The following NRXN1 variants were observed in gnomAD, a reference collection of about 807,000 sequenced individuals.
The protein encoded by NRXN1 is neurexin-1.
In NRXN1, 39 loss-of-function variants were observed where a neutral mutation model predicts 150.9. The ratio of observed to expected loss-of-function variants is 0.26; its 90% CI spans 0.20 to 0.34. The LOEUF (loss-of-function observed/expected upper bound fraction) is 0.34. Ranked by LOEUF, NRXN1 falls within the 10% of genes least tolerant of loss-of-function variation. NRXN1 has a pLI of 1.00. For missense variants in NRXN1, 1,815 were observed against 1,949.9 expected (o/e 0.93, Z 1.30); for synonymous variants, 924 against 757.0 (o/e 1.22, Z -3.62).
At chr2:50,995,379 C>T (rs1234556972) in intron 2 of NRXN1, among the ~76,000 whole-genome samples, 2 of 151,854 alleles carry the variant, frequency 1.3e-5, no homozygotes, top group African/African-American at 4.8e-5. Flanking sequence ...GGGTGGATCA[C>T]CTAGGTCAGG....
rs1214924185 is a variant in NRXN1 at position 50,904,389 on chromosome 2, T to A, written c.832+17480A>T. On this transcript the variant is annotated intron_variant, in intron 5 of 22. Transcript: ENST00000401669. ...TATCTTGAAATCCCTAAGTATTAAATAGTCCATACGTGAATTTTACAAATG... is the reference window on the plus strand; with the variant it reads ...TATCTTGAAATCCCTAAGTATTAAAAAGTCCATACGTGAATTTTACAAATG... Among the ~76,000 whole-genome samples, 4 of 152,290 alleles carry A rather than the reference T, an allele frequency of 2.6e-5. No individual in the cohort carries two copies. The South Asian group carries it at 8.3e-4, about 32-fold the overall frequency.
chr2:50,139,793 T>G (rs1177353383), intron 18 of NRXN1, among the ~76,000 whole-genome samples: 1 of 152,122 alleles, frequency 6.6e-6, no homozygotes, highest in African/African-American at 2.4e-5. Flanking sequence ...ATTTATAAGA[T>G]TTTTTGCAAA....
chr2:50,045,925 T>C (rs1196553870), intron 21 of NRXN1, among the ~76,000 whole-genome samples: 1 of 152,210 alleles, frequency 6.6e-6, no homozygotes, highest in Admixed American at 6.5e-5. Flanking sequence ...AACTCACAGC[T>C]GGAAGTACTT....
chr2:51,001,399 G>C (rs1243791334), intron 2 of NRXN1, among the ~76,000 whole-genome samples: 1 of 151,782 alleles, frequency 6.6e-6, no homozygotes, highest in Non-Finnish European at 1.5e-5. Context: ...TTTGATAAAA[G>C]TGCATCTGCA....
chr2:50,074,940 CA>C (rs1252822521), intron 19 of NRXN1, among the ~76,000 whole-genome samples: 1 of 152,146 alleles, frequency 6.6e-6, no homozygotes, highest in African/African-American at 2.4e-5. Flanking sequence ...GGCCTTCTGG[CA>C]TATTCAATAC....
chr2:50,056,686 T>G (rs190613720), intron 19 of NRXN1, among the ~76,000 whole-genome samples: 169 of 152,278 alleles, frequency 1.1e-3, no homozygotes, highest in Non-Finnish European at 1.6e-3. Context: ...TTGGAATTTT[T>G]TTTTAATGTA....
At chr2:50,499,563 TAA>T (rs201997918) in intron 13 of NRXN1, among the ~76,000 whole-genome samples, 3,760 of 152,212 alleles carry the variant, frequency 0.025, 60 homozygotes, top group Non-Finnish European at 0.037. Context: ...TGGTAAAAAA[TAA>T]AATTAATCCT....
chr2:50,906,017 T>A (rs934948982), intron 5 of NRXN1, among the ~76,000 whole-genome samples: 2 of 152,118 alleles, frequency 1.3e-5, no homozygotes, highest in Non-Finnish European at 2.9e-5. Context: ...ATGACCTGGC[T>A]AATAGTACAG....
intron 7 of NRXN1, 76 bp from the exon 8 acceptor site, chr2:50,620,259 G>A: frequency 6.9e-7 from 1 of 1,441,920 alleles, no homozygotes; most frequent in Non-Finnish European, 9.4e-7. Flanking sequence ...TGCCTGTTTT[G>A]TGTTTTGCTT....
chr2:50,726,768 T>C (rs1415125097), intron 5 of NRXN1, among the ~76,000 whole-genome samples: 1 of 152,182 alleles, frequency 6.6e-6, no homozygotes, highest in Non-Finnish European at 1.5e-5. Flanking sequence ...TAATGATTTC[T>C]ACAAGACTCC....
intron 18 of NRXN1, among the ~76,000 whole-genome samples, chr2:50,113,224 T>C (rs548966937): frequency 6.6e-6 from 1 of 152,178 alleles, no homozygotes; most frequent in African/African-American, 2.4e-5. Flanking sequence ...TGACTACCTT[T>C]CCCGCAGCCA....
chr2:50,061,592 T>C (rs1425087304), intron 19 of NRXN1, among the ~76,000 whole-genome samples: 2 of 152,216 alleles, frequency 1.3e-5, no homozygotes, highest in Non-Finnish European at 2.9e-5. Context: ...TTCCGGGCTA[T>C]AAAAAGGGTC....
chr2:49,951,921 T>C lies in NRXN1; in HGVS notation c.4129-8130A>G, dbSNP rs187249811. 1.3e-3 allele frequency among the ~76,000 whole-genome samples: 195 copies of C among 152,146 alleles called. 1 individual carries two copies. Among genetic ancestry groups the C allele is most frequent in the African/African-American group, 4.5e-3 (188 of 41,552 alleles). ...CTATGATGGATAATTTCAACTAGCA[T>C]GACTCCAAATCCAAGCTTTCATTGT... On this transcript the variant is annotated intron_variant, in intron 21 of 22. Transcript: ENST00000401669.
intron 5 of NRXN1, among the ~76,000 whole-genome samples, chr2:50,635,612 C>G (rs990550798): frequency 6.6e-6 from 1 of 152,160 alleles, no homozygotes; most frequent in Non-Finnish European, 1.5e-5. Context: ...TCATTTCTTT[C>G]CCAGCATACA....
chr2:50,551,869 T>TC (rs1667594589), intron 9 of NRXN1, among the ~76,000 whole-genome samples: 2 of 152,052 alleles, frequency 1.3e-5, no homozygotes, highest in African/African-American at 4.8e-5. Flanking sequence ...GATGATTATT[T>TC]CCCCTCAAAG....
rs538921375 is a variant in NRXN1, at chr2:50,631,140, G to A, written c.833-7525C>T. 5.7e-5 allele frequency: 25 copies of A among 438,058 alleles called. No individual in the cohort carries two copies. The East Asian group carries it at 1.3e-3, about 23-fold the overall frequency. 27.1% of individuals were successfully genotyped at this position (438,058 alleles called of 1,614,324 possible). ...GTAGTTCACTCATTAGATTTTCTAC[G>A]TAATATATGTTGTAAAATATTCTAA... On this transcript the variant is annotated intron_variant, in intron 5 of 22. Coordinates refer to ENST00000401669, the MANE Select transcript of NRXN1 (RefSeq NM_001330078.2).
chr2:50,721,856 G>A (rs1696701252), intron 5 of NRXN1, among the ~76,000 whole-genome samples: 1 of 152,044 alleles, frequency 6.6e-6, no homozygotes, highest in African/African-American at 2.4e-5. Flanking sequence ...TAGTATCTGA[G>A]AGAGGTTAAA....
At chr2:50,890,857 A>C (rs1180837704) in intron 5 of NRXN1, among the ~76,000 whole-genome samples, 1 of 151,994 alleles carries the variant, frequency 6.6e-6, no homozygotes, top group Admixed American at 6.6e-5. Flanking sequence ...CACAAAACAC[A>C]AACTTCTAAT....
At chr2:50,764,707 T>C (rs996880798) in intron 5 of NRXN1, among the ~76,000 whole-genome samples, 4 of 151,862 alleles carry the variant, frequency 2.6e-5, no homozygotes, top group African/African-American at 4.8e-5. Flanking sequence ...TTATGACACA[T>C]TGTCTCCAAA....
Sources: allele counts gnomAD v4.1 joint callset (sites outside exome capture counted in the v4.1 genomes callset), GRCh38; gene constraint gnomAD v4.1.1; transcripts MANE v1.5; gene names NCBI Gene and HGNC (gene_info 2026-07-23, HGNC 2026-07-21).